CSMD1: variants seen among roughly 807,000 people sequenced by gnomAD.
CSMD1 encodes the protein CUB and Sushi multiple domains 1.
In CSMD1, 213 loss-of-function variants were observed where a neutral mutation model predicts 417.5. The observed-to-expected ratio is 0.51, with a 90% confidence interval of 0.46 to 0.57. The LOEUF is 0.57. Ranked by LOEUF, CSMD1 falls within the 20% of genes least tolerant of loss-of-function variation. CSMD1 has a pLI of 0.00. For synonymous variants in CSMD1, 2,862 were observed against 1,736.8 expected (o/e 1.65, Z -16.11); for missense variants, 6,923 against 4,529.7 (o/e 1.53, Z -15.17).
intron 30 of CSMD1, among the ~76,000 whole-genome samples, chr8:3,207,665 A>G (rs1797380502): frequency 6.6e-6 from 1 of 152,084 alleles, no homozygotes; most frequent in East Asian, 1.9e-4. Flanking sequence ...TGAAAAACTT[A>G]AGTTGTATTC....
At chr8:3,941,779 T>A (rs1381025056) in intron 5 of CSMD1, among the ~76,000 whole-genome samples, 1 of 152,148 alleles carries the variant, frequency 6.6e-6, no homozygotes, top group African/African-American at 2.4e-5. Flanking sequence ...ATTCTTTGAT[T>A]CCAATTTTTC....
chr8:4,344,943 C>G (rs1326046507), intron 3 of CSMD1, among the ~76,000 whole-genome samples: 1 of 152,062 alleles, frequency 6.6e-6, no homozygotes, highest in African/African-American at 2.4e-5. Context: ...GGTCTCTGTT[C>G]CAATGTGCAA....
intron 1 of CSMD1, among the ~76,000 whole-genome samples, chr8:4,940,362 A>C (rs1037273977): frequency 6.6e-6 from 1 of 152,238 alleles, no homozygotes; most frequent in Non-Finnish European, 1.5e-5. Flanking sequence ...AAAATATGCA[A>C]ATTGAGTGGA....
chr8:3,008,633 C>G (rs865302), intron 52 of CSMD1, among the ~76,000 whole-genome samples: 17,967 of 152,146 alleles, frequency 0.12, 3,010 homozygotes, highest in African/African-American at 0.37. Context: ...AGCATGCCCC[C>G]CTGGGTGACC....
At chr8:3,104,159 G>A (rs934798659) in intron 46 of CSMD1, among the ~76,000 whole-genome samples, 2 of 152,132 alleles carry the variant, frequency 1.3e-5, no homozygotes, top group Non-Finnish European at 2.9e-5. Flanking sequence ...GGCTTTGTTT[G>A]TTGGGATTAA....
chr8:3,012,100 G>GGAGT (rs571749317), intron 52 of CSMD1, among the ~76,000 whole-genome samples: 195 of 152,270 alleles, frequency 1.3e-3, no homozygotes, highest in African/African-American at 4.6e-3. Flanking sequence ...TAATAACGCA[G>GGAGT]GAGTGATCGT....
At chr8:4,093,434 A>T (rs553786121) in intron 3 of CSMD1, among the ~76,000 whole-genome samples, 3 of 152,238 alleles carry the variant, frequency 2.0e-5, no homozygotes, top group African/African-American at 7.2e-5. Context: ...TTTTTAATGC[A>T]CTCCCCTTGA....
intron 1 of CSMD1, among the ~76,000 whole-genome samples, chr8:4,881,413 A>G (rs570392760): frequency 2.6e-3 from 85 of 32,702 alleles, no homozygotes; most frequent in Admixed American, 0.018. Flanking sequence ...TAGTATACAT[A>G]TCTATCTATC....
intron 10 of CSMD1, among the ~76,000 whole-genome samples, chr8:3,546,344 G>A (rs1798662701): frequency 6.6e-6 from 1 of 152,062 alleles, no homozygotes; most frequent in African/African-American, 2.4e-5. Flanking sequence ...GACCATCTTG[G>A]CAAACATGAT....
At chr8:4,932,440 T>C (rs968739851) in intron 1 of CSMD1, among the ~76,000 whole-genome samples, 9 of 152,194 alleles carry the variant, frequency 5.9e-5, no homozygotes, top group African/African-American at 2.2e-4. Flanking sequence ...CCAAAATCTT[T>C]CTGCCAGTTT....
At chr8:4,725,855 C>G (rs545051327) in intron 1 of CSMD1, among the ~76,000 whole-genome samples, 1 of 152,212 alleles carries the variant, frequency 6.6e-6, no homozygotes, top group East Asian at 1.9e-4. Context: ...AGTTTTGAGA[C>G]CTACCCTCCG....
chr8:3,169,587 C>A (rs1301932434), intron 37 of CSMD1, among the ~76,000 whole-genome samples: 44 of 152,040 alleles, frequency 2.9e-4, no homozygotes, highest in Non-Finnish European at 4.4e-5. Context: ...TAGAGATTGG[C>A]TACAAAACAA....
intron 7 of CSMD1, among the ~76,000 whole-genome samples, chr8:3,669,836 G>T (rs1480208735): frequency 1.3e-5 from 2 of 152,072 alleles, no homozygotes; most frequent in African/African-American, 4.8e-5. Context: ...GGACACAGTG[G>T]GTGATGTCAG....
At chr8:4,760,265 T>C (rs971195679) in intron 1 of CSMD1, among the ~76,000 whole-genome samples, 104 of 152,314 alleles carry the variant, frequency 6.8e-4, no homozygotes, top group African/African-American at 2.4e-3. Flanking sequence ...TAAAAAGGAA[T>C]GCAAATATAC....
chr8:4,285,028 C>T (rs140685011), intron 3 of CSMD1, among the ~76,000 whole-genome samples: 1 of 152,142 alleles, frequency 6.6e-6, no homozygotes, highest in East Asian at 1.9e-4. Flanking sequence ...ATGGTGTCCA[C>T]ACCATAAAAC....
At chr8:3,642,447 A>C (rs1797354115) in intron 7 of CSMD1, among the ~76,000 whole-genome samples, 1 of 152,190 alleles carries the variant, frequency 6.6e-6, no homozygotes, top group African/African-American at 2.4e-5. Flanking sequence ...AAAGACCTCT[A>C]AAATTCAAGA....
chr8:3,461,326 G>C (rs1377909926), intron 12 of CSMD1, among the ~76,000 whole-genome samples: 1 of 152,238 alleles, frequency 6.6e-6, no homozygotes, highest in Non-Finnish European at 1.5e-5. Context: ...TGAAGGCATG[G>C]CTGAGGAGCC....
chr8:4,794,571 T>A (rs1452869825), intron 1 of CSMD1, among the ~76,000 whole-genome samples: 2 of 152,144 alleles, frequency 1.3e-5, no homozygotes, highest in African/African-American at 4.8e-5. Flanking sequence ...GCTGAGAGAT[T>A]CTTCCCCTTC....
At chr8:3,054,554 G>A (rs1168919485) in intron 49 of CSMD1, among the ~76,000 whole-genome samples, 2 of 152,208 alleles carry the variant, frequency 1.3e-5, no homozygotes. Context: ...GGAGACAGAG[G>A]TTGCAGTGAG....
Sources: gnomAD v4.1 joint callset for allele counts (sites outside exome capture counted in the v4.1 genomes callset) on GRCh38, gnomAD v4.1.1 for gene constraint, MANE v1.5 for transcripts, NCBI Gene and HGNC (gene_info 2026-07-23, HGNC 2026-07-21) for gene names.